Variants in PHEX observed in about 807,000 individuals in gnomAD.
PHEX encodes the protein phosphate regulating endopeptidase X-linked, also known as phosphate-regulating neutral endopeptidase PHEX.
PHEX carries 16 observed loss-of-function variants against 68.0 expected under a neutral mutation model. The observed-to-expected ratio is 0.24, with a 90% CI of 0.16 to 0.36. PHEX has a LOEUF of 0.36. Ranked by LOEUF, PHEX falls within the 10% of genes least tolerant of loss-of-function variation. PHEX has a pLI of 1.00. For missense variants in PHEX, 480 were observed against 575.5 expected, an observed-to-expected ratio of 0.83 and a Z score of 1.70; for synonymous variants, 208 against 205.1, an observed-to-expected ratio of 1.01 and a Z score of -0.12.
intron 3 of PHEX, among the ~76,000 whole-genome samples, chrX:22,050,267 A>G (rs1406059965): frequency 8.9e-6 from 1 of 112,058 alleles, no homozygotes; most frequent in Non-Finnish European, 1.9e-5. Flanking sequence ...TTTCTTAGAT[A>G]GTTAATAAAG....
chrX:22,120,996 T>G (rs1931462178), intron 11 of PHEX, among the ~76,000 whole-genome samples: 1 of 112,070 alleles, frequency 8.9e-6, no homozygotes, highest in Admixed American at 9.6e-5. Flanking sequence ...TGTCTTGGTT[T>G]GTTTCATTGT....
intron 14 of PHEX, among the ~76,000 whole-genome samples, chrX:22,186,383 C>T (rs192703768): frequency 1.4e-4 from 16 of 112,117 alleles, no homozygotes; most frequent in Admixed American, 1.3e-3. Context: ...TAAGGCTAAC[C>T]CATAATCAAG....
At position 22,168,372 on chromosome X, in the gene PHEX, A is replaced by G; in HGVS notation, c.1465A>G (p.Asn489Asp). The G allele has an allele frequency of 8.5e-7, 1 of 1,180,058 alleles. No individual in the cohort carries two copies. Among genetic ancestry groups the G allele is most frequent in the Non-Finnish European group, 1.2e-6 (1 of 866,665 alleles). ...GTTTATAATGAATGATACTCATGTT[A>G]ATGAAGACCTCAAAGCTGTAAGTGC... is the stretch of plus-strand genomic sequence containing the variant. ...PEFIMNDTHVNEDLKAIKFSE... is the reference protein window; with the variant it reads ...PEFIMNDTHVDEDLKAIKFSE... The change falls in exon 13 of 22, where the codon AAT becomes GAT. Residue 489 changes from asparagine to aspartate, a missense_variant. Physicochemically the swap from Asn to Asp is conservative, Grantham distance 23. Transcript: ENST00000379374.
intron 20 of PHEX, among the ~76,000 whole-genome samples, chrX:22,232,979 G>T (rs1459821855): frequency 9.0e-6 from 1 of 111,077 alleles, no homozygotes; most frequent in Non-Finnish European, 1.9e-5. Context: ...AGGAGCTCTT[G>T]TAAGGAAGGC....
chrX:22,185,905 G>T (rs1308165692), intron 14 of PHEX, among the ~76,000 whole-genome samples: 1 of 109,649 alleles, frequency 9.1e-6, no homozygotes, highest in Non-Finnish European at 1.9e-5. Flanking sequence ...ACAGGTGCCC[G>T]CCACCACGCT....
intron 12 of PHEX, among the ~76,000 whole-genome samples, chrX:22,136,391 C>G (rs1932233188): frequency 8.9e-6 from 1 of 111,830 alleles, no homozygotes; most frequent in Non-Finnish European, 1.9e-5. Flanking sequence ...AACTCGCCTG[C>G]TCTTCCTGGT....
intron 20 of PHEX, among the ~76,000 whole-genome samples, chrX:22,245,027 A>C (rs1352050412): frequency 8.9e-6 from 1 of 112,006 alleles, no homozygotes; most frequent in Non-Finnish European, 1.9e-5. Context: ...TTCAAACATT[A>C]AATTCATTGA....
chrX:22,168,235 C>T (rs1014094475), intron 12 of PHEX, 77 bp from the exon 13 acceptor site: 34 of 736,828 alleles, frequency 4.6e-5, no homozygotes, highest in South Asian at 6.3e-5. Context: ...AGATGAAGGG[C>T]GCATTTCTAC....
chrX:22,123,217 G>C (rs1931565665), intron 11 of PHEX, among the ~76,000 whole-genome samples: 3 of 109,649 alleles, frequency 2.7e-5, no homozygotes. Flanking sequence ...TTGGACTCGT[G>C]AGCTTAAGCG....
intron 20 of PHEX, among the ~76,000 whole-genome samples, chrX:22,234,866 G>C (rs944814803): frequency 5.5e-5 from 6 of 108,828 alleles, no homozygotes; most frequent in African/African-American, 2.0e-4. Context: ...CAACAACAAT[G>C]AAACAACAAA....
At chrX:22,212,848 G>A (rs1452185613) in intron 15 of PHEX, 56 bp from the exon 16 acceptor site, 3 of 915,212 alleles carry the variant, frequency 3.3e-6, no homozygotes, top group African/African-American at 3.9e-5. Context: ...CTAGAACCAG[G>A]TACTCATCAT....
intron 12 of PHEX, among the ~76,000 whole-genome samples, chrX:22,167,508 TGGA>T (rs1933370743): frequency 3.0e-5 from 3 of 98,545 alleles, no homozygotes; most frequent in African/African-American, 7.7e-5. Flanking sequence ...TTTTTTTTTT[TGGA>T]GACAGGGTCT....
intron 11 of PHEX, among the ~76,000 whole-genome samples, chrX:22,124,497 A>G (rs1474002433): frequency 8.9e-6 from 1 of 111,920 alleles, no homozygotes; most frequent in Non-Finnish European, 1.9e-5. Context: ...TTAGAAATTC[A>G]TTTACCTAAA....
At chrX:22,191,474 A>G (rs1934197983) in intron 15 of PHEX, among the ~76,000 whole-genome samples, 1 of 112,595 alleles carries the variant, frequency 8.9e-6, no homozygotes, top group African/African-American at 3.2e-5. Context: ...CAAAAAGCTG[A>G]AGTTGTGCAT....
intron 2 of PHEX, among the ~76,000 whole-genome samples, chrX:22,043,202 A>G (rs1161978217): frequency 8.9e-6 from 1 of 112,561 alleles, no homozygotes; most frequent in East Asian, 2.7e-4. Flanking sequence ...GTGGAATTAC[A>G]GTTCCCAGAT....
At chrX:22,130,401 G>T (rs1226166647) in intron 11 of PHEX, among the ~76,000 whole-genome samples, 1 of 109,357 alleles carries the variant, frequency 9.1e-6, no homozygotes, top group South Asian at 4.1e-4. Flanking sequence ...AATTAGCTGG[G>T]CATGGTGGTG....
chrX:22,088,925 T>C (rs754001894), intron 5 of PHEX, among the ~76,000 whole-genome samples: 1 of 112,593 alleles, frequency 8.9e-6, no homozygotes, highest in African/African-American at 3.2e-5. Flanking sequence ...TTTATAGTTT[T>C]AGGTTTTACA....
rs376058403 is a variant in PHEX at position 22,181,465 on chromosome X, C to T, written c.1586+3089C>T. ...TGTCTGTTTTTATGCCAATATCATG[C>T]CATTTTGGTTACTATAGCTCTGTAG... On this transcript the variant is annotated intron_variant, in intron 14 of 21. Transcript: ENST00000379374. 6.5e-4 allele frequency among the ~76,000 whole-genome samples: 73 copies of T among 111,716 alleles called. No individual in the cohort carries two copies. In the East Asian group the frequency reaches 0.011, roughly 17 times the overall value.
At chrX:22,202,446 C>T in intron 15 of PHEX, among the ~76,000 whole-genome samples, 1 of 111,757 alleles carries the variant, frequency 8.9e-6, no homozygotes, top group Non-Finnish European at 1.9e-5. Flanking sequence ...TTTTGAAATG[C>T]ATCTTACCCA....
Sources: allele counts gnomAD v4.1 joint callset (sites outside exome capture counted in the v4.1 genomes callset), GRCh38; gene constraint gnomAD v4.1.1; transcripts MANE v1.5; gene names NCBI Gene and HGNC (gene_info 2026-07-23, HGNC 2026-07-21).